The following TMEM200C variants were observed in gnomAD, a reference collection of about 807,000 sequenced individuals.
The protein encoded by TMEM200C is transmembrane protein TTMA.
For synonymous variants in TMEM200C, 462 were observed against 324.7 expected, an observed-to-expected ratio of 1.42 and a Z score of -4.55; for missense variants, 966 against 699.9, an observed-to-expected ratio of 1.38 and a Z score of -4.29.
chr18:5,890,539 G>A (rs755704186), exon 3 of TMEM200C: 8 of 1,470,514 alleles, frequency 5.4e-6, no homozygotes, highest in Non-Finnish European at 7.2e-6. Flanking sequence ...AGCCGCAGGG[G>A]TGGCGAGGGG....
chr18:5,888,486 C>G (rs2095167131), exon 3 of TMEM200C: 1 of 152,084 alleles, frequency 6.6e-6, no homozygotes, highest in African/African-American at 2.4e-5. Context: ...GGACAAGAGC[C>G]TGAATTTAAG....
At chr18:5,894,484 G>A (rs530234045) in intron 2 of TMEM200C, among the ~76,000 whole-genome samples, 2 of 152,282 alleles carry the variant, frequency 1.3e-5, no homozygotes, top group South Asian at 4.2e-4. Flanking sequence ...GTCAAGCTTG[G>A]CTGCCCTCGC....
At position 5,891,952 on chromosome 18, in the gene TMEM200C, C is replaced by G; in HGVS notation, c.112G>C (p.Asp38His). Reference sequence around the variant, plus strand: ...AGCTTGCCTTTCACCACCACCACGTCGTTCTTGCGCCTCTTCTTGGCTTTC... The same window carrying G: ...AGCTTGCCTTTCACCACCACCACGTGGTTCTTGCGCCTCTTCTTGGCTTTC... The change falls in exon 3 of 3, where the codon GAC (aspartate) becomes CAC (histidine). Residue 38 changes from aspartate (D) to histidine (H), a missense_variant. Transcript: ENST00000581347. This position sits in a 1 kb window ranked among gnomAD's most constrained non-coding sequence, Gnocchi z 4.7. The G allele has an allele frequency of 5.0e-6, 8 of 1,613,972 alleles. No individual in the cohort carries two copies. Among genetic ancestry groups the G allele is most frequent in the Non-Finnish European group, 6.8e-6 (8 of 1,179,896 alleles).
chr18:5,889,246 A>G, exon 3 of TMEM200C: 1 of 152,166 alleles, frequency 6.6e-6, no homozygotes, highest in African/African-American at 2.4e-5. Context: ...AAATTCCCAA[A>G]TGTTAAATAC....
At chr18:5,893,584 T>C (rs575065041) in intron 2 of TMEM200C, among the ~76,000 whole-genome samples, 2 of 152,368 alleles carry the variant, frequency 1.3e-5, no homozygotes, top group Admixed American at 1.3e-4. Flanking sequence ...CCAAGCCTTT[T>C]GCTCTTCTAT....
chr18:5,884,542 C>T (rs549815205), exon 3 of TMEM200C: 4 of 152,072 alleles, frequency 2.6e-5, no homozygotes, highest in Admixed American at 2.0e-4. Context: ...TTCTACCTAC[C>T]ACAGTGCCTA....
chr18:5,889,390 A>T (rs941102295), exon 3 of TMEM200C: 1 of 152,260 alleles, frequency 6.6e-6, no homozygotes, highest in Non-Finnish European at 1.5e-5. Context: ...GCTAGCTCCA[A>T]GGCAAATGAG....
At chr18:5,890,145 A>C in exon 3 of TMEM200C, 1 of 1,477,000 alleles carries the variant, frequency 6.8e-7, no homozygotes, top group East Asian at 2.4e-5. Flanking sequence ...GCACTGATTC[A>C]AGTGGGCGTT....
At chr18:5,890,729 C>T in exon 3 of TMEM200C, 1 of 546,050 alleles carries the variant, frequency 1.8e-6, no homozygotes, top group Non-Finnish European at 3.2e-6. Flanking sequence ...GCGCCGCTAC[C>T]GCGCCCTCGG....
exon 3 of TMEM200C, chr18:5,890,506 G>A: frequency 3.3e-6 from 5 of 1,534,460 alleles, no homozygotes; most frequent in Non-Finnish European, 4.4e-6. Flanking sequence ...CCGGAGTCCC[G>A]CCTGGTGGGG....
chr18:5,887,579 A>G (rs2095166307), exon 3 of TMEM200C: 1 of 152,234 alleles, frequency 6.6e-6, no homozygotes, highest in South Asian at 2.1e-4. Flanking sequence ...CCAGCTGTGT[A>G]ACCCTGGACA....
At chr18:5,893,664 T>C (rs1479841021) in intron 2 of TMEM200C, among the ~76,000 whole-genome samples, 1 of 152,236 alleles carries the variant, frequency 6.6e-6, no homozygotes, top group Non-Finnish European at 1.5e-5. Context: ...GAATTTTGCT[T>C]TTAATTGGTG....
exon 3 of TMEM200C, chr18:5,887,256 TG>T (rs944190309): frequency 6.6e-6 from 1 of 152,136 alleles, no homozygotes; most frequent in Non-Finnish European, 1.5e-5. Context: ...AAATTAAAGG[TG>T]GGGGGATTCT....
exon 3 of TMEM200C, chr18:5,890,427 G>T (rs923454181): frequency 3.8e-6 from 6 of 1,574,812 alleles, no homozygotes; most frequent in Non-Finnish European, 4.3e-6. Context: ...CGACTCGGTG[G>T]AGGTGCCGGC....
At position 5,890,162 on chromosome 18, in the gene TMEM200C, A is replaced by T. The variant is rs185871986; in HGVS notation, c.*36T>A. On this transcript the variant is annotated 3_prime_UTR_variant, in exon 3 of 3. Coordinates refer to ENST00000581347, the Ensembl canonical transcript of TMEM200C. ...ACTGATTCAAGTGGGCGTTTCTCCC[A>T]TTTTCTCTTTCCTCCTCCCCAACCC... 2.2e-3 allele frequency: 3,218 copies of T among 1,489,036 alleles called. 52 individuals are homozygous for T. In the African/African-American group the frequency reaches 0.038, roughly 18 times the overall value. 92.2% of individuals were successfully genotyped at this position (1,489,036 alleles called of 1,614,324 possible). A position where few individuals can be genotyped will look rare whatever the true frequency, so the allele number is the denominator to read the frequency against.
exon 3 of TMEM200C, chr18:5,884,102 A>T (rs1209012402): frequency 6.6e-6 from 1 of 152,116 alleles, no homozygotes; most frequent in Non-Finnish European, 1.5e-5. Flanking sequence ...TCGTAATTTT[A>T]ATTTCGAATA....
At chr18:5,887,062 T>C (rs1386655167) in exon 3 of TMEM200C, 1 of 152,156 alleles carries the variant, frequency 6.6e-6, no homozygotes, top group African/African-American at 2.4e-5. Flanking sequence ...AAAAGGAAAT[T>C]GAGACACAGA....
At chr18:5,893,999 A>C (rs2095173617) in intron 2 of TMEM200C, among the ~76,000 whole-genome samples, 1 of 152,240 alleles carries the variant, frequency 6.6e-6, no homozygotes, top group Non-Finnish European at 1.5e-5. Context: ...CTGTTGTTTT[A>C]AGTGATCCTT....
intron 1 of TMEM200C, 53 bp from the exon 1 acceptor site, chr18:5,895,575 C>T (rs1176634441): frequency 1.4e-5 from 2 of 138,782 alleles, no homozygotes; most frequent in Non-Finnish European, 3.1e-5. Flanking sequence ...CCCGCCCCCG[C>T]CCCCCGCCCC....
Sources: gnomAD v4.1 joint callset for allele counts (sites outside exome capture counted in the v4.1 genomes callset) on GRCh38, gnomAD v4.1.1 for gene constraint, Gnocchi (gnomAD v3.1) non-coding constraint, MANE v1.5 for transcripts, NCBI Gene and HGNC (gene_info 2026-07-23, HGNC 2026-07-21) for gene names.